The following NLGN4X variants were observed in gnomAD, a reference collection of about 807,000 sequenced individuals.
NLGN4X encodes neuroligin 4 X-linked, also known as neuroligin-4, X-linked.
Under a neutral mutation model 40.3 loss-of-function variants are expected in NLGN4X, and 3 were observed. That is an observed-to-expected ratio of 0.07 (90% confidence interval 0.03 to 0.19). The LOEUF (loss-of-function observed/expected upper bound fraction) is 0.19. Ranked by LOEUF, NLGN4X falls within the 10% of genes least tolerant of loss-of-function variation. NLGN4X has a pLI of 1.00. For synonymous variants in NLGN4X, 270 were observed against 306.8 expected (o/e 0.88, Z 1.25); for missense variants, 382 against 708.3 (o/e 0.54, Z 5.23).
chrX:6,097,450 G>A, intron 2 of NLGN4X, among the ~76,000 whole-genome samples: 1 of 111,058 alleles, frequency 9.0e-6, no homozygotes, highest in African/African-American at 3.3e-5. Context: ...AGACTTGGGG[G>A]TGTTGCTGTG....
chrX:5,905,959 C>T (rs1212676212), intron 4 of NLGN4X, among the ~76,000 whole-genome samples: 1 of 112,054 alleles, frequency 8.9e-6, no homozygotes, highest in Non-Finnish European at 1.9e-5. Flanking sequence ...CAGTGCCTGG[C>T]TTGTATTTTT....
At chrX:6,120,902 CT>C (rs1269512773) in intron 2 of NLGN4X, among the ~76,000 whole-genome samples, 1 of 111,719 alleles carries the variant, frequency 9.0e-6, no homozygotes, top group Non-Finnish European at 1.9e-5. Context: ...CCTCAAGAAA[CT>C]TTAGAGAGTA....
intron 2 of NLGN4X, among the ~76,000 whole-genome samples, chrX:6,058,891 G>C (rs145278378): frequency 5.0e-4 from 56 of 111,814 alleles, no homozygotes; most frequent in African/African-American, 1.8e-3. Context: ...TTTACTTTCA[G>C]TAAAATAATG....
intron 1 of NLGN4X, among the ~76,000 whole-genome samples, chrX:6,213,307 C>T (rs747644541): frequency 5.4e-5 from 6 of 111,306 alleles, no homozygotes; most frequent in Non-Finnish European, 1.1e-4. Context: ...ACATTAATAC[C>T]TCAAAACTAT....
At chrX:5,968,455 C>CTG (rs1387073890) in intron 3 of NLGN4X, among the ~76,000 whole-genome samples, 9 of 27,644 alleles carry the variant, frequency 3.3e-4, no homozygotes, top group African/African-American at 1.0e-3. Context: ...CTCTCTCTCT[C>CTG]TCTGTGTGTG....
intron 2 of NLGN4X, among the ~76,000 whole-genome samples, chrX:6,111,175 G>A (rs2039140203): frequency 8.9e-6 from 1 of 111,932 alleles, no homozygotes; most frequent in African/African-American, 3.2e-5. Flanking sequence ...CTCAAGTGCA[G>A]AACACCCCAA....
intron 2 of NLGN4X, among the ~76,000 whole-genome samples, chrX:6,086,088 G>A (rs1313507770): frequency 8.9e-6 from 1 of 111,889 alleles, no homozygotes; most frequent in South Asian, 3.7e-4. Flanking sequence ...TTGGATGTAG[G>A]TTATGATTGC....
intron 1 of NLGN4X, among the ~76,000 whole-genome samples, chrX:6,215,191 G>A (rs774897262): frequency 1.3e-4 from 15 of 112,232 alleles, no homozygotes; most frequent in Non-Finnish European, 2.2e-4. Context: ...ATGAACTGGC[G>A]TAAGCAGATA....
At chrX:6,003,953 G>A (rs2036038102) in intron 3 of NLGN4X, among the ~76,000 whole-genome samples, 1 of 112,247 alleles carries the variant, frequency 8.9e-6, no homozygotes. Flanking sequence ...CTGCTCACCT[G>A]TGCTTCCCCT....
intron 3 of NLGN4X, among the ~76,000 whole-genome samples, chrX:6,001,152 T>C (rs2035960772): frequency 9.0e-6 from 1 of 111,515 alleles, no homozygotes; most frequent in African/African-American, 3.3e-5. Context: ...CACCACAGGA[T>C]TCAATTACTT....
chrX:5,936,338 G>A (rs763738905), intron 3 of NLGN4X, among the ~76,000 whole-genome samples: 1 of 111,528 alleles, frequency 9.0e-6, no homozygotes, highest in Non-Finnish European at 1.9e-5. Flanking sequence ...TAAAATAATT[G>A]TTTATCTGGA....
At chrX:5,942,611 T>C (rs1440397988) in intron 3 of NLGN4X, among the ~76,000 whole-genome samples, 2 of 108,017 alleles carry the variant, frequency 1.9e-5, no homozygotes, top group Non-Finnish European at 3.8e-5. Flanking sequence ...GCCGAGATCA[T>C]GCCACTGCAC....
chrX:6,096,847 T>G (rs761862886), intron 2 of NLGN4X, among the ~76,000 whole-genome samples: 1 of 111,057 alleles, frequency 9.0e-6, no homozygotes, highest in Non-Finnish European at 1.9e-5. Flanking sequence ...TGCAGAAAAA[T>G]CATGGGTTGT....
chrX:5,974,617 G>A (rs770510604), intron 3 of NLGN4X, among the ~76,000 whole-genome samples: 1 of 111,605 alleles, frequency 9.0e-6, no homozygotes, highest in Non-Finnish European at 1.9e-5. Context: ...GGAAGAGGGC[G>A]TGAAACAGAT....
intron 1 of NLGN4X, among the ~76,000 whole-genome samples, chrX:6,194,973 A>G (rs772212373): frequency 2.7e-5 from 3 of 111,222 alleles, no homozygotes; most frequent in African/African-American, 6.6e-5. Flanking sequence ...AGTAGTAATA[A>G]TAGTTATTTT....
chrX:6,053,792 C>A (rs192974474), intron 2 of NLGN4X, among the ~76,000 whole-genome samples: 1 of 112,224 alleles, frequency 8.9e-6, no homozygotes, highest in African/African-American at 3.2e-5. Flanking sequence ...GCTAACTAAG[C>A]CATTCAAAGC....
intron 1 of NLGN4X, among the ~76,000 whole-genome samples, chrX:6,152,668 A>C (rs1367186781): frequency 8.9e-6 from 1 of 112,293 alleles, no homozygotes; most frequent in Non-Finnish European, 1.9e-5. Flanking sequence ...TAGGCTACAC[A>C]CTTCACTGCT....
chrX:6,202,905 TC>T (rs777670367), intron 1 of NLGN4X, among the ~76,000 whole-genome samples: 70 of 112,170 alleles, frequency 6.2e-4, no homozygotes, highest in African/African-American at 2.2e-3. Flanking sequence ...TTATTCATTG[TC>T]TTGGCCTCTA....
intron 1 of NLGN4X, among the ~76,000 whole-genome samples, chrX:6,224,444 G>T (rs1329089412): frequency 8.9e-6 from 1 of 111,838 alleles, no homozygotes; most frequent in African/African-American, 3.3e-5. Context: ...CATCTTTGTG[G>T]AGAGACTATA....
Sources: allele counts gnomAD v4.1 joint callset (sites outside exome capture counted in the v4.1 genomes callset), GRCh38; gene constraint gnomAD v4.1.1; transcripts MANE v1.5; gene names NCBI Gene and HGNC (gene_info 2026-07-23, HGNC 2026-07-21).